Variants in CRB1 observed in about 807,000 individuals in gnomAD.
CRB1 encodes crumbs cell polarity complex component 1, also known as protein crumbs homolog 1.
In CRB1, 83 loss-of-function variants were observed where a neutral mutation model predicts 120.0. That is an observed-to-expected ratio of 0.69 (90% CI 0.58 to 0.83). The LOEUF (loss-of-function observed/expected upper bound fraction) is 0.83. Among genes scored for constraint, CRB1 ranks in the 40% least tolerant of loss-of-function variants. CRB1 has a pLI of 0.00. For synonymous variants in CRB1, 625 were observed against 612.5 expected, an observed-to-expected ratio of 1.02 and a Z score of -0.30; for missense variants, 1,699 against 1,687.6, an observed-to-expected ratio of 1.01 and a Z score of -0.12.
intron 1 of CRB1, among the ~76,000 whole-genome samples, chr1:197,289,134 G>GCAAAA (rs1009633502): frequency 1.3e-4 from 20 of 151,306 alleles, no homozygotes; most frequent in African/African-American, 2.2e-4. Context: ...AAAAACAAAA[G>GCAAAA]CAAAACAAAA....
In CRB1 at chr1:197,347,383, T is replaced by C. The variant is rs1412048468; in HGVS notation, c.892T>C (p.Cys298Arg). 3 of 1,613,898 alleles carry C rather than the reference T, an allele frequency of 1.9e-6. No individual in the cohort carries two copies. In the African/African-American group the frequency reaches 4.0e-5, roughly 22 times the overall value. The stretch of plus-strand genomic sequence containing the variant: ...GGGTAGTGGATTCACAGGGACACAC[T>C]GTGAGACCTTGATGCCTCTTTGTTG... ...CTGSGFTGTH[C>R]ETLMPLCWSK... Residue 298 changes from cysteine (C) to arginine (R), a missense_variant, in exon 4 of 12, where the codon TGT (cysteine) becomes CGT (arginine). Transcript: ENST00000367400.
At chr1:197,354,597 C>T (rs61458598) in intron 4 of CRB1, among the ~76,000 whole-genome samples, 17,706 of 151,962 alleles carry the variant, frequency 0.12, 1,385 homozygotes, top group African/African-American at 0.2. Context: ...TTGTTTATTC[C>T]TCCTGGAGGG....
the CRB1 span, among the ~76,000 whole-genome samples, chr1:197,223,762 T>G: frequency 6.6e-6 from 1 of 152,206 alleles, no homozygotes; most frequent in Admixed American, 6.5e-5. Context: ...TGGATGTGCT[T>G]ATACAGTCAC....
At chr1:197,423,252 G>A (rs1014373337) in intron 6 of CRB1, among the ~76,000 whole-genome samples, 1 of 152,138 alleles carries the variant, frequency 6.6e-6, no homozygotes, top group Admixed American at 6.6e-5. Context: ...CTAGTAAATA[G>A]ATTCAAGAGA....
At chr1:197,229,095 GGACC>G in the CRB1 span, among the ~76,000 whole-genome samples, 3 of 152,104 alleles carry the variant, frequency 2.0e-5, no homozygotes, top group Non-Finnish European at 4.4e-5. Context: ...ACCGTATCAA[GGACC>G]CTCTCCGAGA....
At chr1:197,425,709 C>G (rs150587555) in intron 6 of CRB1, among the ~76,000 whole-genome samples, 2 of 152,144 alleles carry the variant, frequency 1.3e-5, no homozygotes, top group African/African-American at 4.8e-5. Flanking sequence ...GGACACCACA[C>G]TCCCTTGGTT....
intron 10 of CRB1, chr1:197,439,196 G>T (rs1486983426): frequency 1.2e-5 from 2 of 165,198 alleles, no homozygotes; most frequent in African/African-American, 4.8e-5. Context: ...GAAAATACAG[G>T]AAAATTAGAA....
At chr1:197,285,640 C>T (rs960006686) in intron 1 of CRB1, among the ~76,000 whole-genome samples, 1 of 151,842 alleles carries the variant, frequency 6.6e-6, no homozygotes, top group African/African-American at 2.4e-5. Context: ...AACAACTCTT[C>T]TTGAGGCATC....
the CRB1 span, among the ~76,000 whole-genome samples, chr1:197,249,890 A>G: frequency 6.6e-6 from 1 of 152,002 alleles, no homozygotes; most frequent in African/African-American, 2.4e-5. Flanking sequence ...AAACTAAGGA[A>G]TAGGCTATGT....
chr1:197,260,575 AATAG>A, the CRB1 span, among the ~76,000 whole-genome samples: 2 of 152,120 alleles, frequency 1.3e-5, no homozygotes, highest in African/African-American at 2.4e-5. Context: ...TTCAAAATCA[AATAG>A]ATAAAGAAAA....
intron 5 of CRB1, among the ~76,000 whole-genome samples, chr1:197,401,032 A>G (rs533110032): frequency 6.6e-6 from 1 of 152,150 alleles, no homozygotes; most frequent in East Asian, 1.9e-4. Flanking sequence ...ATAGTTTTGT[A>G]TCCGAATAAA....
intron 8 of CRB1, among the ~76,000 whole-genome samples, chr1:197,432,914 C>A (rs1664942267): frequency 6.6e-6 from 1 of 151,896 alleles, no homozygotes; most frequent in East Asian, 1.9e-4. Flanking sequence ...GTATAAAAGG[C>A]CTGCGCTGGG....
At chr1:197,355,473 T>A (rs1239250320) in intron 4 of CRB1, among the ~76,000 whole-genome samples, 5 of 152,164 alleles carry the variant, frequency 3.3e-5, no homozygotes, top group Admixed American at 2.0e-4. Flanking sequence ...AAGCTGGGGC[T>A]GCTCAGGAGC....
chr1:197,302,083 TC>T (rs2125255341), intron 1 of CRB1, among the ~76,000 whole-genome samples: 1 of 152,220 alleles, frequency 6.6e-6, no homozygotes, highest in Admixed American at 6.5e-5. Flanking sequence ...TACAAAGAAA[TC>T]TTTCATGAAA....
At chr1:197,359,633 C>T (rs1002777486) in intron 5 of CRB1, among the ~76,000 whole-genome samples, 1 of 152,072 alleles carries the variant, frequency 6.6e-6, no homozygotes, top group African/African-American at 2.4e-5. Flanking sequence ...ATTGCTGGTT[C>T]CTATGATAGT....
intron 11 of CRB1, among the ~76,000 whole-genome samples, chr1:197,464,548 C>A (rs1043078482): frequency 4.0e-5 from 6 of 151,888 alleles, no homozygotes; most frequent in Non-Finnish European, 7.4e-5. Flanking sequence ...CGCTGCACTG[C>A]AAAATTGAAG....
intron 11 of CRB1, chr1:197,444,928 C>CACACA (rs2125518595): frequency 6.6e-6 from 1 of 151,946 alleles, no homozygotes; most frequent in Non-Finnish European, 1.5e-5. Flanking sequence ...CACACACACA[C>CACACA]ACACACCACA....
the CRB1 span, among the ~76,000 whole-genome samples, chr1:197,211,118 G>A: frequency 6.6e-6 from 1 of 152,030 alleles, no homozygotes; most frequent in Non-Finnish European, 1.5e-5. Flanking sequence ...TCTATGACAG[G>A]GGCTGGAAAA....
chr1:197,253,355 C>A, the CRB1 span, among the ~76,000 whole-genome samples: 27 of 152,154 alleles, frequency 1.8e-4, no homozygotes, highest in Non-Finnish European at 3.5e-4. Context: ...GAAGTTGTCT[C>A]TGAACTTTTA....
Sources: gnomAD v4.1 joint callset for allele counts (sites outside exome capture counted in the v4.1 genomes callset) on GRCh38, gnomAD v4.1.1 for gene constraint, MANE v1.5 for transcripts, NCBI Gene and HGNC (gene_info 2026-07-23, HGNC 2026-07-21) for gene names.